The following ST6GAL1 variants were observed in gnomAD, a reference collection of about 807,000 sequenced individuals.
ST6GAL1 encodes ST6 beta-galactoside alpha-2,6-sialyltransferase 1, also known as beta-galactoside alpha-2,6-sialyltransferase 1.
In ST6GAL1, 20 loss-of-function variants were observed where a neutral mutation model predicts 38.0. The observed-to-expected ratio is 0.53, with a 90% confidence interval of 0.37 to 0.77. The LOEUF is 0.77. Ranked by LOEUF, ST6GAL1 falls within the 30% of genes least tolerant of loss-of-function variation. ST6GAL1 has a pLI of 0.00. For missense variants in ST6GAL1, 432 were observed against 496.4 expected (o/e 0.87, Z 1.23); for synonymous variants, 196 against 188.2 (o/e 1.04, Z -0.34).
At position 186,952,776 on chromosome 3, in the gene ST6GAL1, C is replaced by T. The variant is rs1714626164; in HGVS notation, c.-324-11009C>T. ...CCACACCTTTCCCCTGAGTTCCATG[C>T]TCAGATATTCAACCATCTACTTGAC... On this transcript the variant is annotated intron_variant, in intron 1 of 7. Coordinates refer to ENST00000169298, the MANE Select transcript of ST6GAL1 (RefSeq NM_173216.2). This position sits in a 1 kb window ranked among gnomAD's most constrained non-coding sequence, Gnocchi z 4.1. 6.6e-6 allele frequency among the ~76,000 whole-genome samples: 1 copy of T among 152,172 alleles called. No individual in the cohort carries two copies. The highest frequency in any genetic ancestry group is 6.5e-5 in the Admixed American group (1 of 15,278).
intron 5 of ST6GAL1, among the ~76,000 whole-genome samples, chr3:187,062,605 C>CACACACACACACACACAA (rs1553835868): frequency 6.7e-6 from 1 of 149,990 alleles, no homozygotes; most frequent in African/African-American, 2.5e-5. Context: ...CACACACACA[C>CACACACACACACACACAA]AAAATACTAT....
rs141772791 is a variant in ST6GAL1 at position 187,041,934 on chromosome 3, A to G, written c.-50-720A>G. On this transcript the variant is annotated intron_variant, in intron 3 of 7. Coordinates refer to ENST00000169298, the MANE Select transcript of ST6GAL1 (RefSeq NM_173216.2). The stretch of plus-strand genomic sequence containing the variant: ...TTCCTTAGTTGGCTACATGTCTGCT[A>G]TCTTACCCAGAATTCCTAGCCTCTA... The G allele has an allele frequency of 1.9e-3, 295 of 152,298 alleles. 1 individual carries two copies. Among genetic ancestry groups the G allele is most frequent in the Admixed American group, 3.9e-3 (60 of 15,298 alleles). The allele number at this position is 152,298 out of a possible 1,614,324, so 9.4% of individuals were successfully genotyped here.
chr3:186,999,010 C>T (rs78145335), intron 2 of ST6GAL1, among the ~76,000 whole-genome samples: 11,121 of 152,308 alleles, frequency 0.073, 463 homozygotes, highest in Middle Eastern at 0.15. Flanking sequence ...TGGCCTCTCC[C>T]TCCTCTTCCC....
intron 6 of ST6GAL1, chr3:187,073,710 C>A (rs1719463391): frequency 6.5e-6 from 1 of 153,820 alleles, no homozygotes; most frequent in African/African-American, 2.4e-5. Flanking sequence ...CCCCTGGCAC[C>A]CTCACTATCT....
intron 2 of ST6GAL1, among the ~76,000 whole-genome samples, chr3:186,968,016 T>C (rs1715209169): frequency 6.6e-6 from 1 of 152,168 alleles, no homozygotes; most frequent in African/African-American, 2.4e-5. Flanking sequence ...ATGCCAGAGA[T>C]CTCCTGCAGC....
intron 2 of ST6GAL1, among the ~76,000 whole-genome samples, chr3:186,989,506 A>T (rs1716078705): frequency 6.6e-6 from 1 of 152,144 alleles, no homozygotes; most frequent in African/African-American, 2.4e-5. Flanking sequence ...CAGATAGAGG[A>T]TTGGGCTGAT....
chr3:187,063,833 C>T (rs1241850741), intron 5 of ST6GAL1, among the ~76,000 whole-genome samples: 2 of 152,208 alleles, frequency 1.3e-5, no homozygotes, highest in Non-Finnish European at 2.9e-5. Context: ...GTGACTTCAG[C>T]AAGTTGCTTT....
At chr3:186,959,294 A>G (rs1169543261) in intron 1 of ST6GAL1, among the ~76,000 whole-genome samples, 1 of 152,174 alleles carries the variant, frequency 6.6e-6, no homozygotes, top group East Asian at 1.9e-4. Flanking sequence ...TTGGCCTAGC[A>G]CTAAAGGGAA....
intron 2 of ST6GAL1, among the ~76,000 whole-genome samples, chr3:187,022,805 A>ATAC (rs1435610157): frequency 6.6e-6 from 1 of 152,158 alleles, no homozygotes; most frequent in African/African-American, 2.4e-5. Flanking sequence ...CTGTCATGTG[A>ATAC]TACTATACCA....
In ST6GAL1 at chr3:187,074,101, G is replaced by C. The variant is rs188783600; in HGVS notation, c.805-58G>C. Reference sequence around the variant, plus strand: ...TGTCCACTGATGAAGATGACTCCTGGGGGGAGCAGCTCACTGGCCCATTTC... The same window carrying C: ...TGTCCACTGATGAAGATGACTCCTGCGGGGAGCAGCTCACTGGCCCATTTC... On this transcript the variant is annotated intron_variant, in intron 6 of 7. Coordinates refer to ENST00000169298, the MANE Select transcript of ST6GAL1 (RefSeq NM_173216.2). 1.6e-4 allele frequency: 243 copies of C among 1,488,640 alleles called. 1 individual carries two copies. The African/African-American group carries it at 2.4e-3, about 15-fold the overall frequency. The allele number at this position is 1,488,640 out of a possible 1,614,324, so 92.2% of individuals were successfully genotyped here.
intron 2 of ST6GAL1, among the ~76,000 whole-genome samples, chr3:187,018,328 T>G (rs1262224823): frequency 6.6e-6 from 1 of 152,030 alleles, no homozygotes; most frequent in African/African-American, 2.4e-5. Flanking sequence ...GAACCTGATT[T>G]TTGGGAGGTG....
Position 187,075,456 on chromosome 3 carries a change from G to A in ST6GAL1, c.980-106G>A. The A allele has an allele frequency of 6.6e-7, 1 of 1,508,616 alleles. No homozygotes were observed. 93.5% of individuals were successfully genotyped at this position (1,508,616 alleles called of 1,614,324 possible). ...CAGTCATAAATAGAAACTCCAGAGG[G>A]AAAGCTCTCCAAATTTGGGGTCATG... On this transcript the variant is annotated intron_variant, in intron 7 of 7. Transcript: ENST00000169298. The surrounding 1 kb of genome is among the most constrained non-coding windows in gnomAD (Gnocchi z 4.1).
At chr3:186,959,769 C>T (rs1454927317) in intron 1 of ST6GAL1, among the ~76,000 whole-genome samples, 2 of 152,216 alleles carry the variant, frequency 1.3e-5, no homozygotes, top group Non-Finnish European at 2.9e-5. Flanking sequence ...AGACCCAGAT[C>T]CTGGAATGTT....
intron 6 of ST6GAL1, among the ~76,000 whole-genome samples, chr3:187,073,217 G>A (rs571430779): frequency 1.2e-4 from 19 of 152,306 alleles, no homozygotes; most frequent in African/African-American, 3.4e-4. Context: ...CCAGCATCTG[G>A]GGTAGATTGT....
chr3:187,045,322 A>G (rs907023749), intron 4 of ST6GAL1, among the ~76,000 whole-genome samples: 6 of 151,572 alleles, frequency 4.0e-5, no homozygotes, highest in Admixed American at 6.6e-5. Flanking sequence ...AAGATTTTCT[A>G]TCAGAGAGAG....
rs191256248 is a variant in ST6GAL1 at position 187,076,541 on chromosome 3, A to G, written c.*738A>G. On this transcript the variant is annotated 3_prime_UTR_variant, in exon 8 of 8. Coordinates refer to ENST00000169298, the MANE Select transcript of ST6GAL1 (RefSeq NM_173216.2). Reference sequence around the variant, plus strand: ...CAGGCAGGTAGGATTCAGTGTGCTCAGTGCACTGGGGATTTGGAGAGAGAT... The same window carrying G: ...CAGGCAGGTAGGATTCAGTGTGCTCGGTGCACTGGGGATTTGGAGAGAGAT... 178 of 307,768 alleles carry G rather than the reference A, an allele frequency of 5.8e-4. No individual in the cohort carries two copies. The highest frequency in any genetic ancestry group is 6.1e-4 in the Non-Finnish European group (103 of 169,730). 19.1% of individuals were successfully genotyped at this position (307,768 alleles called of 1,614,324 possible). A position where few individuals can be genotyped will look rare whatever the true frequency, so the allele number is the denominator to read the frequency against.
intron 1 of ST6GAL1, among the ~76,000 whole-genome samples, chr3:186,958,911 C>T (rs1463759764): frequency 6.7e-6 from 1 of 150,200 alleles, no homozygotes; most frequent in Non-Finnish European, 1.5e-5. Context: ...AGAGATTGTG[C>T]CACTGCACTC....
intron 1 of ST6GAL1, among the ~76,000 whole-genome samples, chr3:186,954,167 CT>C (rs1327319384): frequency 2.0e-5 from 3 of 152,128 alleles, no homozygotes; most frequent in African/African-American, 7.2e-5. Context: ...GATCTCTTTC[CT>C]TTTTATGGCT....
intron 2 of ST6GAL1, among the ~76,000 whole-genome samples, chr3:186,992,980 G>A (rs1221944699): frequency 1.3e-5 from 2 of 152,214 alleles, no homozygotes; most frequent in Middle Eastern, 3.4e-3. Context: ...GTCCCGTGCA[G>A]TTCTTCCTGG....
Sources: allele counts gnomAD v4.1 joint callset (sites outside exome capture counted in the v4.1 genomes callset), GRCh38; gene constraint gnomAD v4.1.1; non-coding constraint Gnocchi (gnomAD v3.1); transcripts MANE v1.5; gene names NCBI Gene and HGNC (gene_info 2026-07-23, HGNC 2026-07-21).